KLHL18: variants seen among roughly 807,000 people sequenced by gnomAD.
The protein encoded by KLHL18 is kelch like family member 18, also known as kelch-like protein 18.
In KLHL18, 38 loss-of-function variants were observed where a neutral mutation model predicts 58.5. That is an observed-to-expected ratio of 0.65 (90% CI 0.50 to 0.85). The LOEUF (loss-of-function observed/expected upper bound fraction) is 0.85, where lower values mean the gene tolerates loss of function less well. Among genes scored for constraint, KLHL18 ranks in the 40% least tolerant of loss-of-function variants. The pLI, the probability that KLHL18 is intolerant of heterozygous loss-of-function variation, is 0.00. For synonymous variants in KLHL18, 303 were observed against 301.9 expected (o/e 1.00, Z -0.04); for missense variants, 624 against 778.4 (o/e 0.80, Z 2.36).
intron 1 of KLHL18, among the ~76,000 whole-genome samples, chr3:47,311,616 C>T (rs1559493425): frequency 6.6e-6 from 1 of 152,012 alleles, no homozygotes; most frequent in African/African-American, 2.4e-5. Context: ...CACTTGAACC[C>T]GAGAGGCGGA....
intron 6 of KLHL18, among the ~76,000 whole-genome samples, chr3:47,335,898 A>T (rs1251777548): frequency 6.6e-6 from 1 of 152,234 alleles, no homozygotes; most frequent in Non-Finnish European, 1.5e-5. Context: ...TCCTCAACTC[A>T]GTGCACGCTG....
chr3:47,323,299 C>T (rs576348343), intron 3 of KLHL18, among the ~76,000 whole-genome samples: 4 of 152,174 alleles, frequency 2.6e-5, no homozygotes, highest in South Asian at 4.1e-4. Context: ...GCCATGTTGC[C>T]CAGGCTGGTC....
rs1162862672 is a variant in KLHL18, at chr3:47,324,306, T to C, written c.401+1598T>C. Among the ~76,000 whole-genome samples the C allele has an allele frequency of 3.0e-5, 3 of 100,630 alleles. 1 individual carries two copies. Among genetic ancestry groups the C allele is most frequent in the Non-Finnish European group, 2.1e-5 (1 of 48,034 alleles). The allele number at this position is 100,630 out of a possible 152,430, so 66.0% of individuals were successfully genotyped here. On this transcript the variant is annotated intron_variant, in intron 3 of 9. Coordinates refer to ENST00000232766, the MANE Select transcript of KLHL18 (RefSeq NM_025010.5). ...TTTCTTTTTCTTTCTTTCTTTTTTT[T>C]TTTTTTTTTTTTTTTTTTCTGTAAG...
intron 2 of KLHL18, among the ~76,000 whole-genome samples, chr3:47,321,627 G>A (rs1353657280): frequency 6.6e-6 from 1 of 152,186 alleles, no homozygotes; most frequent in African/African-American, 2.4e-5. Context: ...TGGGATTACA[G>A]GCGTGAGCCA....
chr3:47,284,994 T>C (rs1259582612), intron 1 of KLHL18, among the ~76,000 whole-genome samples: 1 of 152,004 alleles, frequency 6.6e-6, no homozygotes, highest in Non-Finnish European at 1.5e-5. Context: ...AATTTTTGTG[T>C]GTGTTTTTAG....
chr3:47,345,554 C>T lies in KLHL18; in HGVS notation c.*1613C>T, dbSNP rs1302241253. On this transcript the variant is annotated 3_prime_UTR_variant, in exon 10 of 10. Transcript: ENST00000232766. ...GCACAGCGGGACTCAAAGAGGAGGA[C>T]ATTTTCTCTTGCCAGTGCACTGGGC... 1.3e-5 allele frequency: 2 copies of T among 152,648 alleles called. No homozygotes were observed. Among genetic ancestry groups the T allele is most frequent in the African/African-American group, 4.8e-5 (2 of 41,446 alleles). 9.5% of individuals were successfully genotyped at this position (152,648 alleles called of 1,614,324 possible).
chr3:47,295,224 G>A (rs1292479711), intron 1 of KLHL18, among the ~76,000 whole-genome samples: 1 of 152,184 alleles, frequency 6.6e-6, no homozygotes, highest in Non-Finnish European at 1.5e-5. Flanking sequence ...TGCTGTCTCA[G>A]ACGTCAGAGG....
Position 47,334,597 on chromosome 3 carries a change from G to T in KLHL18, c.762-86G>T. 6.7e-7 allele frequency: 1 copy of T among 1,490,668 alleles called. No individual in the cohort carries two copies. Among genetic ancestry groups the T allele is most frequent in the Non-Finnish European group, 9.3e-7 (1 of 1,080,650 alleles). 92.3% of individuals were successfully genotyped at this position (1,490,668 alleles called of 1,614,324 possible). A position where few individuals can be genotyped will look rare whatever the true frequency, so the allele number is the denominator to read the frequency against. ...CTCCTCCCAGGTTTCCCCTGCAGTT[G>T]GCAGTGGAGAGCCAGGCTCAGAGAT... On this transcript the variant is annotated intron_variant, in intron 5 of 9. Coordinates refer to ENST00000232766, the MANE Select transcript of KLHL18 (RefSeq NM_025010.5). This position sits in a 1 kb window ranked among gnomAD's most constrained non-coding sequence, Gnocchi z 4.7.
intron 1 of KLHL18, chr3:47,297,719 G>A: frequency 4.5e-6 from 2 of 442,180 alleles, no homozygotes; most frequent in Middle Eastern, 3.3e-4. Context: ...CTCAGATGAA[G>A]CCTATTTTTA....
chr3:47,329,612 A>C (rs1307754345), intron 3 of KLHL18, among the ~76,000 whole-genome samples: 4 of 152,218 alleles, frequency 2.6e-5, no homozygotes. Flanking sequence ...ACACTCAACC[A>C]GGAATTTCAG....
chr3:47,296,740 C>T (rs1247733268), intron 1 of KLHL18, among the ~76,000 whole-genome samples: 1 of 152,092 alleles, frequency 6.6e-6, no homozygotes, highest in Non-Finnish European at 1.5e-5. Flanking sequence ...GGAGAGTGTT[C>T]AGAGGCCCAG....
In KLHL18 at chr3:47,283,176, G is replaced by C; in HGVS notation, c.129+82G>C. 4 of 1,319,072 alleles carry C rather than the reference G, an allele frequency of 3.0e-6. No individual in the cohort carries two copies. In the Admixed American group the frequency reaches 8.2e-5, roughly 27 times the overall value. 81.7% of individuals were successfully genotyped at this position (1,319,072 alleles called of 1,614,324 possible). On this transcript the variant is annotated intron_variant, in intron 1 of 9. Transcript: ENST00000232766. ...AAGGGGCGGGGGACAGAGAAAGAGA[G>C]GTCTAGCAGGGAGAGGGGTGGGGAG...
At chr3:47,305,221 T>G (rs1481894795) in intron 1 of KLHL18, among the ~76,000 whole-genome samples, 1 of 152,014 alleles carries the variant, frequency 6.6e-6, no homozygotes, top group Non-Finnish European at 1.5e-5. Flanking sequence ...GTTCAGTGTT[T>G]TACTAGAATA....
Position 47,334,093 on chromosome 3 carries a change from T to C in KLHL18, c.762-590T>C, listed in dbSNP as rs1703929391. 1.3e-5 allele frequency among the ~76,000 whole-genome samples: 2 copies of C among 152,104 alleles called. No homozygotes were observed. Among genetic ancestry groups the C allele is most frequent in the Non-Finnish European group, 2.9e-5 (2 of 68,004 alleles). ...GTCCATGGCAGATGGTGTGAAGGTGTGTGTCAGGATGGGGTGGAGTAGTGT... is the reference window on the plus strand; with the variant it reads ...GTCCATGGCAGATGGTGTGAAGGTGCGTGTCAGGATGGGGTGGAGTAGTGT... On this transcript the variant is annotated intron_variant, in intron 5 of 9. Coordinates refer to ENST00000232766, the MANE Select transcript of KLHL18 (RefSeq NM_025010.5). This position sits in a 1 kb window ranked among gnomAD's most constrained non-coding sequence, Gnocchi z 4.7.
At chr3:47,328,149 G>A (rs568682940) in intron 3 of KLHL18, among the ~76,000 whole-genome samples, 22 of 152,032 alleles carry the variant, frequency 1.4e-4, no homozygotes, top group African/African-American at 3.4e-4. Context: ...AGGATTGCTC[G>A]AGCCTAGGAG....
chr3:47,296,235 T>C (rs1315765117), intron 1 of KLHL18, among the ~76,000 whole-genome samples: 1 of 152,228 alleles, frequency 6.6e-6, no homozygotes. Context: ...TGTAGATGGT[T>C]CGAGTGTTTT....
At chr3:47,283,870 T>C (rs1284862174) in intron 1 of KLHL18, among the ~76,000 whole-genome samples, 1 of 152,188 alleles carries the variant, frequency 6.6e-6, no homozygotes, top group African/African-American at 2.4e-5. Context: ...GACGTCCGGT[T>C]GGGGAGATGA....
rs773387648 is a variant in KLHL18 at position 47,333,273 on chromosome 3, CAG to C, written c.720_721del (p.Arg240SerfsTer5). The stretch of plus-strand genomic sequence containing the variant: ...TCTGTCGGCCCCAGTTCCTTTCAGA[CAG>C]AGTACAGCAGGATGACCTGGTGCGT... ...PLCRPQFLSD[R>X]VQQDDLVRCC... On this transcript the variant is annotated frameshift_variant, in exon 5 of 10. Transcript: ENST00000232766. LOFTEE classifies it high-confidence loss of function. 2.5e-6 allele frequency: 4 copies of C among 1,614,018 alleles called. No homozygotes were observed. The highest frequency in any genetic ancestry group is 3.4e-6 in the Non-Finnish European group (4 of 1,180,028).
chr3:47,341,027 T>A (rs1055430289), intron 8 of KLHL18, among the ~76,000 whole-genome samples: 15 of 151,544 alleles, frequency 9.9e-5, no homozygotes, highest in African/African-American at 2.4e-4. Flanking sequence ...AAAAAAAAAA[T>A]GTTTTTAAGT....
Sources: gnomAD v4.1 joint callset for allele counts (sites outside exome capture counted in the v4.1 genomes callset) on GRCh38, gnomAD v4.1.1 for gene constraint, Gnocchi (gnomAD v3.1) non-coding constraint, MANE v1.5 for transcripts, NCBI Gene and HGNC (gene_info 2026-07-23, HGNC 2026-07-21) for gene names.